Variants in PLXNA4 observed in about 807,000 individuals in gnomAD.
The protein encoded by PLXNA4 is plexin A4, also known as plexin-A4.
Under a neutral mutation model 191.8 loss-of-function variants are expected in PLXNA4, and 44 were observed. The ratio of observed to expected loss-of-function variants is 0.23; its 90% CI spans 0.18 to 0.29. The LOEUF is 0.29. Ranked by LOEUF, PLXNA4 falls within the 10% of genes least tolerant of loss-of-function variation. The pLI, the probability that PLXNA4 is intolerant of heterozygous loss-of-function variation, is 1.00. For missense variants in PLXNA4, 1,800 were observed against 2,488.8 expected, an observed-to-expected ratio of 0.72 and a Z score of 5.89; for synonymous variants, 1,082 against 1,009.5, an observed-to-expected ratio of 1.07 and a Z score of -1.36.
At chr7:132,225,624 C>CA (rs368393618) in intron 8 of PLXNA4, among the ~76,000 whole-genome samples, 2,249 of 151,586 alleles carry the variant, frequency 0.015, 195 homozygotes, top group Admixed American at 0.13. Flanking sequence ...CCGCCCCCCC[C>CA]CACAGCTTTC....
chr7:132,563,585 TCTC>T (rs1321531797), intron 1 of PLXNA4, among the ~76,000 whole-genome samples: 2 of 102,188 alleles, frequency 2.0e-5, no homozygotes, highest in African/African-American at 7.6e-5. Flanking sequence ...TCCTCCTCCT[TCTC>T]CTCATCCTTT....
intron 24 of PLXNA4, among the ~76,000 whole-genome samples, chr7:132,163,285 G>A (rs1048268834): frequency 6.6e-6 from 1 of 152,166 alleles, no homozygotes; most frequent in Non-Finnish European, 1.5e-5. Context: ...AGGCAAGCGG[G>A]GCCTGCGTGA....
chr7:132,180,659 G>A lies in PLXNA4; in HGVS notation c.3566C>T (p.Pro1189Leu), dbSNP rs775660715. 3.1e-6 allele frequency: 5 copies of A among 1,614,016 alleles called. No individual in the cohort carries two copies. In the African/African-American group the frequency reaches 5.3e-5, roughly 17 times the overall value. ...GACATCTGACACGGTCACGGTGCACGGCTTCTCCCCAACCAGCACAGTGTA... is the reference window on the plus strand; with the variant it reads ...GACATCTGACACGGTCACGGTGCACAGCTTCTCCCCAACCAGCACAGTGTA... Reference protein sequence around the residue: ...LNYTVLVGEKPCTVTVSDVQL... With the variant: ...LNYTVLVGEKLCTVTVSDVQL... The change falls in exon 19 of 32, where the codon CCG (proline) becomes CTG (leucine). Residue 1189 changes from proline (P) to leucine (L), a missense_variant. Physicochemically the swap from Pro to Leu is moderately conservative, Grantham distance 98. Transcript: ENST00000321063.
intron 3 of PLXNA4, among the ~76,000 whole-genome samples, chr7:132,447,016 T>C (rs1441159427): frequency 6.6e-6 from 1 of 152,196 alleles, no homozygotes; most frequent in Admixed American, 6.5e-5. Flanking sequence ...TGATTTGTTA[T>C]ATTAGAATTG....
chr7:132,471,730 G>A (rs1269150043), intron 3 of PLXNA4, among the ~76,000 whole-genome samples: 1 of 152,148 alleles, frequency 6.6e-6, no homozygotes, highest in Non-Finnish European at 1.5e-5. Flanking sequence ...GGGAGGAGGA[G>A]GAGGGGCGCT....
In PLXNA4 at chr7:132,124,372, C is replaced by T. The variant is rs1240765546; in HGVS notation, c.*6107G>A. The T allele has an allele frequency of 6.6e-6, 1 of 152,194 alleles. No homozygotes were observed. Among genetic ancestry groups the T allele is most frequent in the Non-Finnish European group, 1.5e-5 (1 of 68,040 alleles). 9.4% of individuals were successfully genotyped at this position (152,194 alleles called of 1,614,324 possible). A position where few individuals can be genotyped will look rare whatever the true frequency, so the allele number is the denominator to read the frequency against. ...CCTGTGCCTGGATTGCGGCTGACTT[C>T]TGTGCACGAAAGTGTTCCTTAGTCC... On this transcript the variant is annotated 3_prime_UTR_variant, in exon 32 of 32. Coordinates refer to ENST00000321063, the MANE Select transcript of PLXNA4 (RefSeq NM_020911.2).
intron 1 of PLXNA4, among the ~76,000 whole-genome samples, chr7:132,543,516 A>G (rs556958022): frequency 6.6e-6 from 1 of 152,174 alleles, no homozygotes; most frequent in South Asian, 2.1e-4. Context: ...TATCTTCTCC[A>G]CTTTCTGAAT....
At chr7:132,551,813 T>C (rs1227878490) in intron 1 of PLXNA4, among the ~76,000 whole-genome samples, 1 of 152,228 alleles carries the variant, frequency 6.6e-6, no homozygotes, top group Non-Finnish European at 1.5e-5. Flanking sequence ...ACACCAGACA[T>C]CGATGTTAAA....
chr7:132,385,748 G>GCA (rs147872763), intron 3 of PLXNA4, among the ~76,000 whole-genome samples: 20 of 151,792 alleles, frequency 1.3e-4, no homozygotes, highest in African/African-American at 2.2e-4. Context: ...ACACATGGAT[G>GCA]CACACACACA....
chr7:132,130,621 G>T (rs769913237), intron 31 of PLXNA4, 47 bp from the exon 32 acceptor site: 2 of 1,613,208 alleles, frequency 1.2e-6, no homozygotes, highest in East Asian at 2.2e-5. Flanking sequence ...GTGTGTACAG[G>T]TCTGTGTTCT....
rs58035948 is a variant in PLXNA4, at chr7:132,516,220, T to TTTTATTTATTTA, written c.-86-7453_-86-7442dup. 9.4e-4 allele frequency among the ~76,000 whole-genome samples: 140 copies of TTTTATTTATTTA among 148,318 alleles called. 1 individual carries two copies. The highest frequency in any genetic ancestry group is 3.4e-3 in the East Asian group (17 of 5,060). On this transcript the variant is annotated intron_variant, in intron 1 of 31. Coordinates refer to ENST00000321063, the MANE Select transcript of PLXNA4 (RefSeq NM_020911.2). ...ATACTTAAAATACTCCATTTTGTCCTTTTATTTATTTATTTATTTATTTAT... is the reference window on the plus strand; with the variant it reads ...ATACTTAAAATACTCCATTTTGTCCTTTTATTTATTTATTTATTTATTTATTTATTTATTTAT...
intron 2 of PLXNA4, among the ~76,000 whole-genome samples, chr7:132,625,994 T>G (rs1200612095): frequency 1.3e-5 from 2 of 152,060 alleles, no homozygotes; most frequent in African/African-American, 4.8e-5. Context: ...TTTAAGCAGG[T>G]CTTCTCCCCT....
At chr7:132,375,022 C>T (rs978083666) in intron 3 of PLXNA4, among the ~76,000 whole-genome samples, 2 of 152,232 alleles carry the variant, frequency 1.3e-5, no homozygotes, top group Non-Finnish European at 2.9e-5. Context: ...AGGCTGTCCC[C>T]GCCCTCTGCA....
At chr7:132,596,865 G>GGAAA (rs1802719191) in intron 2 of PLXNA4, among the ~76,000 whole-genome samples, 1 of 144,688 alleles carries the variant, frequency 6.9e-6, no homozygotes, top group East Asian at 2.0e-4. Context: ...CCATGGTCCT[G>GGAAA]AAAAAAAAAA....
At chr7:132,642,825 T>A (rs1319634236) in intron 2 of PLXNA4, among the ~76,000 whole-genome samples, 1 of 152,250 alleles carries the variant, frequency 6.6e-6, no homozygotes, top group Non-Finnish European at 1.5e-5. Context: ...AACTCTTTAT[T>A]GCTATGCAGT....
chr7:132,194,390 G>A (rs1797187724), intron 13 of PLXNA4, among the ~76,000 whole-genome samples: 1 of 152,206 alleles, frequency 6.6e-6, no homozygotes, highest in Non-Finnish European at 1.5e-5. Flanking sequence ...GATCTCCTTT[G>A]AGGGAGCCTA....
chr7:132,327,833 A>G (rs1358827360), intron 3 of PLXNA4, among the ~76,000 whole-genome samples: 1 of 152,208 alleles, frequency 6.6e-6, no homozygotes, highest in Non-Finnish European at 1.5e-5. Context: ...CAGTCTCAGC[A>G]GCAGAGAGAT....
At chr7:132,641,040 AG>A (rs1585423698) in intron 2 of PLXNA4, among the ~76,000 whole-genome samples, 1 of 152,338 alleles carries the variant, frequency 6.6e-6, no homozygotes, top group East Asian at 1.9e-4. Flanking sequence ...ATTTTCTAAA[AG>A]TTTGCTCCAC....
intron 1 of PLXNA4, among the ~76,000 whole-genome samples, chr7:132,556,772 A>G (rs1800820246): frequency 6.6e-6 from 1 of 152,246 alleles, no homozygotes; most frequent in Non-Finnish European, 1.5e-5. Context: ...TTGAATGAAG[A>G]CTGAGAGTCA....
Sources: gnomAD v4.1 joint callset for allele counts (sites outside exome capture counted in the v4.1 genomes callset) on GRCh38, gnomAD v4.1.1 for gene constraint, MANE v1.5 for transcripts, NCBI Gene and HGNC (gene_info 2026-07-23, HGNC 2026-07-21) for gene names.